Variants in GAB2 observed in about 807,000 individuals in gnomAD.
GAB2 encodes the protein GRB2-associated-binding protein 2.
In GAB2, 26 loss-of-function variants were observed where a neutral mutation model predicts 65.5. The observed-to-expected ratio is 0.40, with a 90% CI of 0.29 to 0.55. GAB2 has a LOEUF of 0.55. Ranked by LOEUF, GAB2 falls within the 20% of genes least tolerant of loss-of-function variation. The probability of loss-of-function intolerance (pLI) is 0.53; values close to 1 mark genes in which losing one functional copy is unlikely to be tolerated. For synonymous variants in GAB2, 321 were observed against 329.6 expected (o/e 0.97, Z 0.28); for missense variants, 884 against 875.8 (o/e 1.01, Z -0.12).
intron 1 of GAB2, among the ~76,000 whole-genome samples, chr11:78,299,515 T>C (rs1421034612): frequency 6.6e-6 from 1 of 152,218 alleles, no homozygotes; most frequent in Non-Finnish European, 1.5e-5. Context: ...GGACTAGCCA[T>C]CTGGAGTCCA....
intron 1 of GAB2, among the ~76,000 whole-genome samples, chr11:78,367,556 A>G (rs115929488): frequency 4.2e-4 from 64 of 152,340 alleles, no homozygotes; most frequent in African/African-American, 1.4e-3. Context: ...ACGACTAATT[A>G]AAAGTGTTTA....
chr11:78,348,485 G>T (rs1244182397), intron 1 of GAB2, among the ~76,000 whole-genome samples: 1 of 152,146 alleles, frequency 6.6e-6, no homozygotes, highest in East Asian at 1.9e-4. Context: ...TTGGCACATG[G>T]TGCTCAACAT....
In GAB2 at chr11:78,395,850, C is replaced by A. The variant is rs1198124133; in HGVS notation, c.75+21796G>T. On this transcript the variant is annotated intron_variant, in intron 1 of 9. Transcript: ENST00000361507. ...TGGGAGGTTTAGTTTGGATTCCAAT[C>A]CAGGACTAACCTCAGAGCTCATGCT... Among the ~76,000 whole-genome samples, 5 of 152,164 alleles carry A rather than the reference C, an allele frequency of 3.3e-5. No homozygotes were observed. In the East Asian group the frequency reaches 9.6e-4, roughly 29 times the overall value.
chr11:78,354,452 C>T (rs1856327258), intron 1 of GAB2, among the ~76,000 whole-genome samples: 1 of 151,770 alleles, frequency 6.6e-6, no homozygotes, highest in Non-Finnish European at 1.5e-5. Context: ...TATATATATA[C>T]ATACAGAATT....
intron 1 of GAB2, among the ~76,000 whole-genome samples, chr11:78,301,025 T>C (rs569021221): frequency 3.9e-5 from 6 of 152,308 alleles, no homozygotes; most frequent in Admixed American, 2.0e-4. Context: ...ATTTCTCTGA[T>C]GATTAACGAT....
chr11:78,271,664 A>G (rs1375865626), intron 2 of GAB2, among the ~76,000 whole-genome samples: 1 of 152,220 alleles, frequency 6.6e-6, no homozygotes, highest in East Asian at 1.9e-4. Context: ...GAAAGTAAAC[A>G]TGTAAGTTTT....
chr11:78,250,352 G>A lies in GAB2; in HGVS notation c.425C>T (p.Pro142Leu), dbSNP rs1865417484. 6.2e-7 allele frequency: 1 copy of A among 1,613,222 alleles called. No homozygotes were observed. The highest frequency in any genetic ancestry group is 1.3e-5 in the African/African-American group (1 of 74,850). The change falls in exon 3 of 10, where the codon CCA becomes CTA. Residue 142 changes from proline to leucine, a missense_variant. Pro to Leu is a moderately conservative substitution (Grantham distance 98, BLOSUM62 -3). Coordinates refer to ENST00000361507, the MANE Select transcript of GAB2 (RefSeq NM_080491.3). ...SSAGHGPRSS[P>L]AELSSSSQHL... ...CTGGCTAGAGCTGCTGAGCTCAGCT[G>A]GAGAAGAGCGGGGGCCATGACCGGC... is the stretch of plus-strand genomic sequence containing the variant.
At chr11:78,363,581 A>G (rs1591066363) in intron 1 of GAB2, among the ~76,000 whole-genome samples, 2 of 146,408 alleles carry the variant, frequency 1.4e-5, no homozygotes, top group Admixed American at 1.4e-4. Flanking sequence ...ATAGAAATAT[A>G]TTTTCTTTTT....
chr11:78,264,204 T>G (rs1865812571), intron 2 of GAB2, among the ~76,000 whole-genome samples: 1 of 152,102 alleles, frequency 6.6e-6, no homozygotes, highest in Admixed American at 6.6e-5. Context: ...CTGATTAATA[T>G]GGGGAGAACT....
rs575505999 is a variant in GAB2 at position 78,337,182 on chromosome 11, C to A, written c.76-56281G>T. On this transcript the variant is annotated intron_variant, in intron 1 of 9. Transcript: ENST00000361507. ...TCTCAACACATTCTTAGCATTTGGT[C>A]TCAGCAAAAGATCAGATAATCATTT... 3.1e-4 allele frequency among the ~76,000 whole-genome samples: 47 copies of A among 152,184 alleles called. 1 individual carries two copies. Among genetic ancestry groups the A allele is most frequent in the Non-Finnish European group, 5.9e-4 (40 of 68,040 alleles).
chr11:78,411,041 T>G (rs1857121020), intron 1 of GAB2, among the ~76,000 whole-genome samples: 2 of 150,780 alleles, frequency 1.3e-5, no homozygotes, highest in Non-Finnish European at 2.9e-5. Flanking sequence ...TCGTCCCAAT[T>G]ACTTGGGAGG....
chr11:78,377,328 G>A (rs1856643921), intron 1 of GAB2, among the ~76,000 whole-genome samples: 1 of 152,116 alleles, frequency 6.6e-6, no homozygotes, highest in African/African-American at 2.4e-5. Context: ...TTCTTGCTGT[G>A]TCCTCACATG....
At chr11:78,227,132 C>T (rs1864692917) in intron 3 of GAB2, 81 bp from the exon 4 acceptor site, 1 of 960,304 alleles carries the variant, frequency 1.0e-6, no homozygotes. Context: ...CTTTCTCTTT[C>T]TATACTTTGG....
At chr11:78,356,186 A>AG (rs1012043338) in intron 1 of GAB2, among the ~76,000 whole-genome samples, 1 of 151,518 alleles carries the variant, frequency 6.6e-6, no homozygotes, top group African/African-American at 2.4e-5. Context: ...AAAAAAGAAA[A>AG]AAAAAAAAAA....
intron 1 of GAB2, among the ~76,000 whole-genome samples, chr11:78,385,004 A>G (rs1265586915): frequency 2.0e-5 from 3 of 152,212 alleles, no homozygotes; most frequent in Non-Finnish European, 2.9e-5. Context: ...GTAATGCAGG[A>G]TATCTATGAG....
At chr11:78,245,519 T>C (rs1246393485) in intron 3 of GAB2, among the ~76,000 whole-genome samples, 1 of 152,136 alleles carries the variant, frequency 6.6e-6, no homozygotes, top group Non-Finnish European at 1.5e-5. Context: ...AATTAAGAAA[T>C]TTCCAGATAA....
intron 2 of GAB2, among the ~76,000 whole-genome samples, chr11:78,279,982 A>G (rs1245842641): frequency 6.6e-6 from 1 of 152,220 alleles, no homozygotes; most frequent in East Asian, 1.9e-4. Context: ...GTTTGAGATG[A>G]GCCTAAACAA....
intron 1 of GAB2, among the ~76,000 whole-genome samples, chr11:78,331,259 T>C (rs201453843): frequency 7.0e-6 from 1 of 142,940 alleles, no homozygotes; most frequent in African/African-American, 2.5e-5. Context: ...TTTTTTTTTT[T>C]TTTTTGAGAT....
At chr11:78,362,895 G>A (rs1856452240) in intron 1 of GAB2, among the ~76,000 whole-genome samples, 1 of 152,134 alleles carries the variant, frequency 6.6e-6, no homozygotes, top group Admixed American at 6.6e-5. Context: ...ACAAAGATAA[G>A]AGGTTCAAAG....
Sources: allele counts gnomAD v4.1 joint callset (sites outside exome capture counted in the v4.1 genomes callset), GRCh38; gene constraint gnomAD v4.1.1; transcripts MANE v1.5; gene names NCBI Gene and HGNC (gene_info 2026-07-23, HGNC 2026-07-21).